DOCK3: variants seen among roughly 807,000 people sequenced by gnomAD.
DOCK3 encodes the protein dedicator of cytokinesis protein 3.
In DOCK3, 60 loss-of-function variants were observed where a neutral mutation model predicts 265.6. The observed-to-expected ratio is 0.23, with a 90% CI of 0.18 to 0.28. The LOEUF is 0.28. DOCK3 is among the 10% of genes least tolerant of loss of function. The pLI is 1.00. For synonymous variants in DOCK3, 881 were observed against 938.0 expected, an observed-to-expected ratio of 0.94 and a Z score of 1.11; for missense variants, 1,981 against 2,594.3, an observed-to-expected ratio of 0.76 and a Z score of 5.14.
chr3:50,989,692 C>G (rs1183277251), intron 5 of DOCK3, among the ~76,000 whole-genome samples: 1 of 152,178 alleles, frequency 6.6e-6, no homozygotes, highest in Non-Finnish European at 1.5e-5. Context: ...CACCCACATG[C>G]AGAGATGAGA....
At chr3:51,349,772 G>C (rs1282120030) in intron 39 of DOCK3, among the ~76,000 whole-genome samples, 3 of 152,190 alleles carry the variant, frequency 2.0e-5, no homozygotes, top group Non-Finnish European at 4.4e-5. Flanking sequence ...TACCAGTGCT[G>C]TTGTCATCTG....
At chr3:50,973,673 CA>C (rs1294560594) in intron 5 of DOCK3, among the ~76,000 whole-genome samples, 1 of 120,230 alleles carries the variant, frequency 8.3e-6, no homozygotes, top group Non-Finnish European at 1.7e-5. Context: ...ATGGCTGGGT[CA>C]AATGGTATTT....
At chr3:50,887,547 CAG>C (rs1304389916) in intron 3 of DOCK3, among the ~76,000 whole-genome samples, 1 of 86,674 alleles carries the variant, frequency 1.2e-5, no homozygotes, top group East Asian at 2.9e-4. Context: ...CAAAACCTGG[CAG>C]AGACACAACA....
rs58434191 is a variant in DOCK3, at chr3:51,101,419, C to T, written c.746+11035C>T. Among the ~76,000 whole-genome samples, 168 of 152,338 alleles carry T rather than the reference C, an allele frequency of 1.1e-3. 1 individual carries two copies. The East Asian group carries it at 0.025, about 23-fold the overall frequency. Reference sequence around the variant, plus strand: ...ACAGGCGTGAGCCACCGCGCCCGGCCTCGGCTTAGTCTTTCTTAGAAAATT... The same window carrying T: ...ACAGGCGTGAGCCACCGCGCCCGGCTTCGGCTTAGTCTTTCTTAGAAAATT... On this transcript the variant is annotated intron_variant, in intron 9 of 52. Transcript: ENST00000266037.
chr3:51,253,287 G>C (rs147669378), intron 22 of DOCK3, among the ~76,000 whole-genome samples: 2 of 152,098 alleles, frequency 1.3e-5, no homozygotes, highest in Non-Finnish European at 2.9e-5. Context: ...GAGGATTTTC[G>C]CATCAATGTT....
At chr3:50,806,359 C>T (rs185357981) in intron 2 of DOCK3, among the ~76,000 whole-genome samples, 1 of 151,944 alleles carries the variant, frequency 6.6e-6, no homozygotes, top group Non-Finnish European at 1.5e-5. Flanking sequence ...CCTGTGAGGG[C>T]GGCCTGTGGG....
intron 5 of DOCK3, among the ~76,000 whole-genome samples, chr3:50,967,237 T>G (rs1453849551): frequency 6.6e-6 from 1 of 152,208 alleles, no homozygotes; most frequent in Non-Finnish European, 1.5e-5. Context: ...ATCCACTTTT[T>G]TAGCTCCCAC....
At chr3:51,208,079 T>C (rs1576415574) in intron 12 of DOCK3, among the ~76,000 whole-genome samples, 1 of 152,124 alleles carries the variant, frequency 6.6e-6, no homozygotes, top group African/African-American at 2.4e-5. Context: ...GTGAGAGAAA[T>C]GCACTGTTAC....
chr3:50,829,862 T>G (rs1008548256), intron 2 of DOCK3, among the ~76,000 whole-genome samples: 1 of 152,210 alleles, frequency 6.6e-6, no homozygotes, highest in Non-Finnish European at 1.5e-5. Flanking sequence ...AAATAATGAC[T>G]CATTTGCAAG....
chr3:50,844,085 G>C (rs1303958831), intron 3 of DOCK3, among the ~76,000 whole-genome samples: 2 of 152,104 alleles, frequency 1.3e-5, no homozygotes, highest in Non-Finnish European at 2.9e-5. Flanking sequence ...GATATTAGTG[G>C]TTAAAGGAAA....
chr3:50,965,386 A>G (rs1473250811), intron 5 of DOCK3, among the ~76,000 whole-genome samples: 2 of 149,720 alleles, frequency 1.3e-5, no homozygotes, highest in Non-Finnish European at 3.0e-5. Context: ...ACGGAAAAAG[A>G]GCAAATTAAT....
chr3:51,145,584 G>A (rs922974309), intron 9 of DOCK3, among the ~76,000 whole-genome samples: 17 of 152,128 alleles, frequency 1.1e-4, no homozygotes, highest in Admixed American at 1.0e-3. Context: ...TTAAAACATC[G>A]TGAGATTTTT....
At chr3:51,098,039 C>A (rs1362278362) in intron 9 of DOCK3, among the ~76,000 whole-genome samples, 1 of 151,988 alleles carries the variant, frequency 6.6e-6, no homozygotes, top group Non-Finnish European at 1.5e-5. Context: ...GAGCTGCAGA[C>A]CAGATCTGTT....
intron 3 of DOCK3, among the ~76,000 whole-genome samples, chr3:50,884,586 G>T (rs1362180353): frequency 6.6e-6 from 1 of 151,558 alleles, no homozygotes; most frequent in African/African-American, 2.4e-5. Flanking sequence ...TTTTTTCTTT[G>T]CCCATGGTAT....
intron 1 of DOCK3, among the ~76,000 whole-genome samples, chr3:50,741,732 C>T (rs2108232182): frequency 6.6e-6 from 1 of 151,972 alleles, no homozygotes; most frequent in Middle Eastern, 3.4e-3. Context: ...CCGCAATAAA[C>T]ATACGTGTGC....
intron 5 of DOCK3, among the ~76,000 whole-genome samples, chr3:51,006,683 T>C (rs991395539): frequency 3.3e-5 from 5 of 152,192 alleles, no homozygotes; most frequent in Non-Finnish European, 7.3e-5. Flanking sequence ...TGCAGGTTTG[T>C]TACATATGTA....
At chr3:51,082,213 GT>G (rs963438013) in intron 7 of DOCK3, among the ~76,000 whole-genome samples, 4 of 152,034 alleles carry the variant, frequency 2.6e-5, no homozygotes, top group Admixed American at 2.0e-4. Flanking sequence ...TTCCACAGAG[GT>G]ACCACAGAGA....
chr3:51,249,305 CCG>C (rs1255944028), intron 22 of DOCK3, among the ~76,000 whole-genome samples: 2 of 145,302 alleles, frequency 1.4e-5, no homozygotes, highest in East Asian at 4.3e-4. Context: ...GCCCAACCAG[CCG>C]CCCCGTCCGG....
At chr3:50,953,012 TAGA>T (rs2076634012) in intron 5 of DOCK3, among the ~76,000 whole-genome samples, 1 of 152,188 alleles carries the variant, frequency 6.6e-6, no homozygotes, top group South Asian at 2.1e-4. Context: ...TTATCTTCCT[TAGA>T]AGATGTCACA....
Sources: allele counts gnomAD v4.1 joint callset (sites outside exome capture counted in the v4.1 genomes callset), GRCh38; gene constraint gnomAD v4.1.1; transcripts MANE v1.5; gene names NCBI Gene and HGNC (gene_info 2026-07-23, HGNC 2026-07-21).